Variants in IL21R observed in about 807,000 individuals in gnomAD.
The protein encoded by IL21R is interleukin 21 receptor, also known as interleukin-21 receptor.
Under a neutral mutation model 41.3 loss-of-function variants are expected in IL21R, and 14 were observed. The observed-to-expected ratio is 0.34, with a 90% CI of 0.22 to 0.53. IL21R has a LOEUF of 0.53. Ranked by LOEUF, IL21R falls within the 20% of genes least tolerant of loss-of-function variation. IL21R has a pLI of 0.94. For synonymous variants in IL21R, 286 were observed against 287.6 expected (o/e 0.99, Z 0.05); for missense variants, 588 against 681.6 (o/e 0.86, Z 1.53).
At chr16:27,405,354 A>C (rs1031644060) in intron 1 of IL21R, among the ~76,000 whole-genome samples, 1 of 151,702 alleles carries the variant, frequency 6.6e-6, no homozygotes, top group African/African-American at 2.4e-5. Flanking sequence ...TTAAATATGT[A>C]AGAGCTCTTT....
chr16:27,444,654 G>A lies in IL21R; in HGVS notation c.620G>A (p.Gly207Asp). The A allele has an allele frequency of 1.9e-6, 3 of 1,580,572 alleles. No homozygotes were observed. The highest frequency in any genetic ancestry group is 2.6e-6 in the Non-Finnish European group (3 of 1,163,574). Residue 207 changes from glycine (G) to aspartate (D), a missense_variant, in exon 6 of 9, where the codon GGC becomes GAC. By Grantham distance (94) the Gly-to-Asp change is moderately conservative. Transcript: ENST00000337929. Reference protein sequence around the residue: ...ELQVRAGPMPGSSYQGTWSEW... With the variant: ...ELQVRAGPMPDSSYQGTWSEW... ...CAGGTGCGGGCAGGGCCCATGCCTGGCTCCTCCTACCAGGGGACCTGGAGT... is the reference window on the plus strand; with the variant it reads ...CAGGTGCGGGCAGGGCCCATGCCTGACTCCTCCTACCAGGGGACCTGGAGT...
At chr16:27,448,347 T>G in intron 8 of IL21R, 187 bp from the exon 9 acceptor site, 3 of 606,584 alleles carry the variant, frequency 4.9e-6, no homozygotes, top group Middle Eastern at 3.2e-4. Context: ...CCCAGCTACT[T>G]GGGAGGCTGA....
At chr16:27,445,301 A>C (rs1380410484) in intron 7 of IL21R, 25 bp downstream of exon 7, 1 of 1,530,040 alleles carries the variant, frequency 6.5e-7, no homozygotes, top group Non-Finnish European at 9.1e-7. Flanking sequence ...TGAGGAAGGC[A>C]GGGAGGTGGT....
intron 8 of IL21R, 113 bp downstream of exon 8, chr16:27,446,201 G>T (rs1057472293): frequency 2.8e-6 from 2 of 719,760 alleles, no homozygotes; most frequent in African/African-American, 1.8e-5. Context: ...GAGCATCCAG[G>T]TCTCAGCCAA....
chr16:27,413,212 G>A (rs1439940247), intron 1 of IL21R, among the ~76,000 whole-genome samples: 1 of 152,012 alleles, frequency 6.6e-6, no homozygotes, highest in African/African-American at 2.4e-5. Context: ...TCTGCATCAG[G>A]TGAGATGACC....
chr16:27,446,096 C>T lies in IL21R; in HGVS notation c.867+8C>T. The T allele has an allele frequency of 6.2e-7, 1 of 1,612,248 alleles. No homozygotes were observed. Among genetic ancestry groups the T allele is most frequent in the Non-Finnish European group, 8.5e-7 (1 of 1,178,892 alleles). On this transcript the variant is annotated splice_region_variant and intron_variant, in intron 8 of 8. Coordinates refer to ENST00000337929, the MANE Select transcript of IL21R (RefSeq NM_181078.3). ...TGCAGCGGAGACTTCAAGGTGAGCT[C>T]CCGACCCTGTGATGAGCTCCTCGGA...
chr16:27,424,605 C>T (rs2087046671), intron 1 of IL21R, among the ~76,000 whole-genome samples: 1 of 152,136 alleles, frequency 6.6e-6, no homozygotes, highest in Admixed American at 6.5e-5. Context: ...GATTGATGAC[C>T]TCCATTTTAT....
intron 1 of IL21R, among the ~76,000 whole-genome samples, chr16:27,410,833 C>G (rs1325562764): frequency 6.6e-6 from 1 of 152,198 alleles, no homozygotes; most frequent in Admixed American, 6.5e-5. Flanking sequence ...TTTCTCCCTC[C>G]CCCAGTCCCT....
chr16:27,413,876 T>C (rs1385954086), intron 1 of IL21R, among the ~76,000 whole-genome samples: 22 of 151,954 alleles, frequency 1.4e-4, no homozygotes. Context: ...TTTTGCTGAT[T>C]GTTAGAAACA....
At position 27,439,832 on chromosome 16, in the gene IL21R, C is replaced by T. The variant is rs3093405; in HGVS notation, c.352+2145C>T. Among the ~76,000 whole-genome samples the T allele has an allele frequency of 9.8e-3, 1,488 of 152,258 alleles. 14 individuals are homozygous for T. Among genetic ancestry groups the T allele is most frequent in the Non-Finnish European group, 0.012 (820 of 68,006 alleles). On this transcript the variant is annotated intron_variant, in intron 4 of 8. Transcript: ENST00000337929. ...AACCACCTCCCGCCGAGGGTCCCTT[C>T]CTCCTCCTGGGCCCTGGGCCTCGCT...
intron 1 of IL21R, among the ~76,000 whole-genome samples, chr16:27,412,071 T>C (rs2086831646): frequency 6.6e-6 from 1 of 152,322 alleles, no homozygotes. Context: ...TAGTTTCAGG[T>C]CTTATGTTTG....
chr16:27,433,482 G>A (rs1045799989), intron 2 of IL21R, among the ~76,000 whole-genome samples: 18 of 152,050 alleles, frequency 1.2e-4, no homozygotes, highest in Admixed American at 8.5e-4. Context: ...AGAGGTGAGC[G>A]GTACAAGTTT....
intron 8 of IL21R, 84 bp from the exon 9 acceptor site, chr16:27,448,450 C>T (rs771532823): frequency 3.9e-5 from 55 of 1,404,208 alleles, no homozygotes; most frequent in Admixed American, 7.8e-5. Flanking sequence ...GCCAGACTGT[C>T]TCAAAAGAAT....
At chr16:27,405,600 G>A (rs983074593) in intron 1 of IL21R, among the ~76,000 whole-genome samples, 1 of 152,146 alleles carries the variant, frequency 6.6e-6, no homozygotes, top group Non-Finnish European at 1.5e-5. Context: ...GGGTCTTCTT[G>A]CCCTCGCAGC....
Position 27,430,105 on chromosome 16 carries a change from C to G in IL21R, c.34C>G (p.Leu12Val), listed in dbSNP as rs2087145024. 6.2e-7 allele frequency: 1 copy of G among 1,604,738 alleles called. No homozygotes were observed. The highest frequency in any genetic ancestry group is 8.5e-7 in the Non-Finnish European group (1 of 1,179,786). Residue 12 changes from leucine to valine, a missense_variant, in exon 2 of 9, where the codon CTG becomes GTG. Leu to Val is a conservative substitution (Grantham distance 32, BLOSUM62 1). Coordinates refer to ENST00000337929, the MANE Select transcript of IL21R (RefSeq NM_181078.3). Reference sequence around the variant, plus strand: ...TGGCTGGGCCGCCCCCTTGCTCCTGCTGCTGCTCCAGGGAGGTAAGTGGCT... The same window carrying G: ...TGGCTGGGCCGCCCCCTTGCTCCTGGTGCTGCTCCAGGGAGGTAAGTGGCT... ...PRGWAAPLLL[L>V]LLQGGWGCPD...
chr16:27,427,785 C>T (rs971087655), intron 1 of IL21R, among the ~76,000 whole-genome samples: 1 of 152,078 alleles, frequency 6.6e-6, no homozygotes, highest in African/African-American at 2.4e-5. Context: ...ACAGACTCCC[C>T]CTCCTGCGAT....
intron 1 of IL21R, among the ~76,000 whole-genome samples, chr16:27,411,375 T>A (rs1324313809): frequency 3.3e-5 from 5 of 151,894 alleles, no homozygotes; most frequent in Non-Finnish European, 7.4e-5. Context: ...TGATGATTAG[T>A]GATATTGAGC....
chr16:27,402,475 G>T lies in IL21R; in HGVS notation c.-160G>T, dbSNP rs1402697573. 1 of 152,772 alleles carries T rather than the reference G, an allele frequency of 6.5e-6. No homozygotes were observed. The highest frequency in any genetic ancestry group is 1.5e-5 in the Non-Finnish European group (1 of 68,474). 9.5% of individuals were successfully genotyped at this position (152,772 alleles called of 1,614,324 possible). ...GCCTGATTGGTGACTCGGGCTGGGT[G>T]TGGATTCTCACCCCAGGCCTCTGCC... On this transcript the variant is annotated 5_prime_UTR_variant, in exon 1 of 9. Coordinates refer to ENST00000337929, the MANE Select transcript of IL21R (RefSeq NM_181078.3).
At chr16:27,425,905 A>T (rs1169189469) in intron 1 of IL21R, among the ~76,000 whole-genome samples, 2 of 151,506 alleles carry the variant, frequency 1.3e-5, no homozygotes, top group African/African-American at 2.4e-5. Flanking sequence ...AGTTTCTAGG[A>T]CTCTCAGGCA....
Sources: allele counts gnomAD v4.1 joint callset (sites outside exome capture counted in the v4.1 genomes callset), GRCh38; gene constraint gnomAD v4.1.1; transcripts MANE v1.5; gene names NCBI Gene and HGNC (gene_info 2026-07-23, HGNC 2026-07-21).